CEBPZ: variants seen among roughly 807,000 people sequenced by gnomAD.
The protein encoded by CEBPZ is CCAAT/enhancer-binding protein zeta.
In CEBPZ, 78 loss-of-function variants were observed where a neutral mutation model predicts 104.5. That is an observed-to-expected ratio of 0.75 (90% CI 0.62 to 0.90). The LOEUF (loss-of-function observed/expected upper bound fraction) is 0.90, where lower values mean the gene tolerates loss of function less well. CEBPZ is among the 40% of genes least tolerant of loss of function. The probability of loss-of-function intolerance (pLI) is 0.00; values close to 1 mark genes in which losing one functional copy is unlikely to be tolerated. For synonymous variants in CEBPZ, 470 were observed against 427.0 expected (o/e 1.10, Z -1.24); for missense variants, 1,439 against 1,233.5 (o/e 1.17, Z -2.50).
chr2:37,216,579 A>G (rs1426850548), intron 6 of CEBPZ, among the ~76,000 whole-genome samples, 161 bp from the exon 7 acceptor site: 1 of 152,222 alleles, frequency 6.6e-6, no homozygotes, highest in African/African-American at 2.4e-5. Context: ...TTATACTTAA[A>G]AAATTAAACA....
chr2:37,208,037 T>C (rs1475336738), intron 13 of CEBPZ, among the ~76,000 whole-genome samples: 1 of 152,032 alleles, frequency 6.6e-6, no homozygotes, highest in Non-Finnish European at 1.5e-5. Context: ...GCACAAAAAC[T>C]AGAAAACCTA....
chr2:37,212,594 C>G, intron 10 of CEBPZ: 1 of 539,114 alleles, frequency 1.9e-6, no homozygotes, highest in Non-Finnish European at 3.3e-6. Context: ...AATCCCAAAA[C>G]TAAAGAAGGA....
In CEBPZ at chr2:37,202,644, C is replaced by CAAAAAAAAAA. The variant is rs56340587; in HGVS notation, c.3025+130_3025+139dup. ...TGGGCAAGGGAGTGAGACGCTGTCT[C>CAAAAAAAAAA]AAAAAAAAAAAAAAAAAAAAAAAAA... On this transcript the variant is annotated intron_variant, in intron 15 of 15. Coordinates refer to ENST00000234170, the MANE Select transcript of CEBPZ (RefSeq NM_005760.3). The CAAAAAAAAAA allele has an allele frequency of 3.9e-5, 8 of 207,690 alleles. 1 individual carries two copies. The highest frequency in any genetic ancestry group is 5.6e-5 in the Non-Finnish European group (7 of 125,856). 12.9% of individuals were successfully genotyped at this position (207,690 alleles called of 1,614,324 possible). A position where few individuals can be genotyped will look rare whatever the true frequency, so the allele number is the denominator to read the frequency against.
chr2:37,205,462 C>T (rs749877864), intron 13 of CEBPZ, among the ~76,000 whole-genome samples: 2 of 152,120 alleles, frequency 1.3e-5, no homozygotes, highest in Non-Finnish European at 2.9e-5. Flanking sequence ...AGAGAACAAC[C>T]CCCTTTGACT....
At position 37,228,409 on chromosome 2, in the gene CEBPZ, T is replaced by A; in HGVS notation, c.784A>T (p.Thr262Ser). Reference protein sequence around the residue: ...ILLIQDDAVHTLQFVETLVNL... With the variant: ...ILLIQDDAVHSLQFVETLVNL... ...ACAAGAGTTTCTACAAACTGAAGTG[T>A]GTGAACGGCATCATCCTGAATAAGA... is the stretch of plus-strand genomic sequence containing the variant. Residue 262 changes from threonine (T) to serine (S), a missense_variant, in exon 2 of 16, where the codon ACA (threonine) becomes TCA (serine). By Grantham distance (58) the Thr-to-Ser change is moderately conservative. Coordinates refer to ENST00000234170, the MANE Select transcript of CEBPZ (RefSeq NM_005760.3). 1 of 1,614,250 alleles carries A rather than the reference T, an allele frequency of 6.2e-7. No individual in the cohort carries two copies. The highest frequency in any genetic ancestry group is 8.5e-7 in the Non-Finnish European group (1 of 1,180,048).
intron 13 of CEBPZ, among the ~76,000 whole-genome samples, chr2:37,205,174 G>A (rs1274354153): frequency 1.3e-5 from 2 of 152,186 alleles, no homozygotes; most frequent in African/African-American, 2.4e-5. Flanking sequence ...ATAAAATTTT[G>A]TAGGCGTGAG....
At chr2:37,227,276 G>C (rs1356553243) in intron 2 of CEBPZ, among the ~76,000 whole-genome samples, 2 of 152,270 alleles carry the variant, frequency 1.3e-5, no homozygotes, top group East Asian at 3.9e-4. Flanking sequence ...GAAATACTAG[G>C]TGGTAGATAT....
chr2:37,211,196 C>T, intron 12 of CEBPZ, 114 bp from the exon 13 acceptor site: 7 of 599,898 alleles, frequency 1.2e-5, no homozygotes. Flanking sequence ...TACTGCTATT[C>T]CATGTGGGTT....
intron 3 of CEBPZ, 108 bp downstream of exon 3, chr2:37,223,062 C>T (rs1386904142): frequency 3.5e-6 from 3 of 860,954 alleles, no homozygotes; most frequent in Non-Finnish European, 5.4e-6. Context: ...AACTCACACT[C>T]ATATGCTCCA....
chr2:37,221,196 G>A (rs962866757), intron 4 of CEBPZ, among the ~76,000 whole-genome samples: 12 of 152,084 alleles, frequency 7.9e-5, no homozygotes, highest in African/African-American at 2.7e-4. Context: ...CGAGCCTGTA[G>A]TCCCGGCTAC....
At position 37,227,827 on chromosome 2, in the gene CEBPZ, C is replaced by A; in HGVS notation, c.1366G>T (p.Glu456Ter). 1.2e-6 allele frequency: 2 copies of A among 1,614,084 alleles called. No homozygotes were observed. Among genetic ancestry groups the A allele is most frequent in the Non-Finnish European group, 1.7e-6 (2 of 1,180,042 alleles). The change falls in exon 2 of 16, where the codon GAA becomes TAA. Residue 456 changes from glutamate (E) to a stop codon, truncating the protein, a stop_gained. Transcript: ENST00000234170. LOFTEE classifies it high-confidence loss of function. The part of the protein sequence containing the change: ...NQMALSHEES[E>*]LANKLITVYF... ...ACAGTTATTAATTTGTTAGCCAATTCACTTTCTTCATGGGACAGAGCCATT... is the reference window on the plus strand; with the variant it reads ...ACAGTTATTAATTTGTTAGCCAATTAACTTTCTTCATGGGACAGAGCCATT...
intron 13 of CEBPZ, chr2:37,203,579 G>C (rs1225406821): frequency 6.6e-6 from 1 of 152,162 alleles, no homozygotes; most frequent in Non-Finnish European, 1.5e-5. Context: ...TTTAAAAAGA[G>C]CTTTACTAAA....
intron 3 of CEBPZ, 78 bp from the exon 4 acceptor site, chr2:37,222,641 C>G (rs1664799963): frequency 4.9e-6 from 5 of 1,017,992 alleles, no homozygotes; most frequent in Middle Eastern, 3.2e-4. Context: ...TTATGTGATG[C>G]AGAGTTTTAC....
intron 15 of CEBPZ, chr2:37,202,581 G>T (rs775067145): frequency 4.1e-5 from 16 of 388,036 alleles, no homozygotes; most frequent in Non-Finnish European, 6.3e-5. Flanking sequence ...GGAGATGGAG[G>T]TTGCAGTGAG....
chr2:37,214,001 G>A lies in CEBPZ; in HGVS notation c.2448-40C>T, dbSNP rs779660801. ...TTATATATTTGACAATTTTATTAAA[G>A]GTCTAATCTTACTATATATCATCAA... is the stretch of plus-strand genomic sequence containing the variant. On this transcript the variant is annotated intron_variant, in intron 9 of 15. Coordinates refer to ENST00000234170, the MANE Select transcript of CEBPZ (RefSeq NM_005760.3). 1.0e-5 allele frequency: 12 copies of A among 1,148,214 alleles called. No homozygotes were observed. In the South Asian group the frequency reaches 2.0e-4, roughly 19 times the overall value. 71.1% of individuals were successfully genotyped at this position (1,148,214 alleles called of 1,614,324 possible).
At chr2:37,216,067 A>C in intron 8 of CEBPZ, 73 bp downstream of exon 8, 2 of 1,140,678 alleles carry the variant, frequency 1.8e-6, no homozygotes, top group Admixed American at 4.5e-5. Context: ...AATTAGAACA[A>C]AGAATAATAC....
chr2:37,224,031 C>A (rs1452607621), intron 2 of CEBPZ, among the ~76,000 whole-genome samples: 1 of 152,192 alleles, frequency 6.6e-6, no homozygotes. Context: ...CTCTCAGTCC[C>A]ATGTTTGTGT....
chr2:37,226,357 G>A lies in CEBPZ; in HGVS notation c.1649+1187C>T, dbSNP rs904978403. Among the ~76,000 whole-genome samples, 8 of 152,226 alleles carry A rather than the reference G, an allele frequency of 5.3e-5. No homozygotes were observed. The South Asian group carries it at 1.0e-3, about 20-fold the overall frequency. ...ATGACTATCAGTAATAAGGATAGCC[G>A]CCAACATTTCACATAGCACTAAGTG... On this transcript the variant is annotated intron_variant, in intron 2 of 15. Transcript: ENST00000234170.
chr2:37,211,986 G>A lies in CEBPZ; in HGVS notation c.2657C>T (p.Ser886Leu), dbSNP rs941542713. 4.3e-6 allele frequency: 7 copies of A among 1,612,124 alleles called. No individual in the cohort carries two copies. The highest frequency in any genetic ancestry group is 5.9e-6 in the Non-Finnish European group (7 of 1,179,498). The change falls in exon 12 of 16, where the codon TCA becomes TTA. Residue 886 changes from serine (S) to leucine (L), a missense_variant. Physicochemically the swap from Ser to Leu is moderately radical, Grantham distance 145 (BLOSUM62 -2). Transcript: ENST00000234170. ...GAKDNTLDED[S>L]EGSDDELGNL... Reference sequence around the variant, plus strand: ...ACCAAGTTCATCATCACTACCTTCTGAATCTTCATCTAATGTGTTATCCTT... The same window carrying A: ...ACCAAGTTCATCATCACTACCTTCTAAATCTTCATCTAATGTGTTATCCTT...
Sources: gnomAD v4.1 joint callset for allele counts (sites outside exome capture counted in the v4.1 genomes callset) on GRCh38, gnomAD v4.1.1 for gene constraint, MANE v1.5 for transcripts, NCBI Gene and HGNC (gene_info 2026-07-23, HGNC 2026-07-21) for gene names.